HDAC4: variants seen among roughly 807,000 people sequenced by gnomAD.
The protein encoded by HDAC4 is histone deacetylase A.
A neutral mutation model predicts 135.1 loss-of-function variants in HDAC4; 16 were observed. The ratio of observed to expected loss-of-function variants is 0.12; its 90% CI spans 0.08 to 0.18. The LOEUF is 0.18. Ranked by LOEUF, HDAC4 falls within the 10% of genes least tolerant of loss-of-function variation. The pLI, the probability that HDAC4 is intolerant of heterozygous loss-of-function variation, is 1.00. For missense variants in HDAC4, 1,143 were observed against 1,511.8 expected (o/e 0.76, Z 4.05); for synonymous variants, 685 against 653.4 (o/e 1.05, Z -0.74).
At chr2:239,145,269 A>G (rs1167464261) in intron 7 of HDAC4, among the ~76,000 whole-genome samples, 2 of 152,154 alleles carry the variant, frequency 1.3e-5, no homozygotes, top group Non-Finnish European at 2.9e-5. Context: ...AGGCCTCCAG[A>G]GCGTGAGGCT....
At chr2:239,277,503 C>T (rs188598937) in intron 2 of HDAC4, among the ~76,000 whole-genome samples, 24 of 152,298 alleles carry the variant, frequency 1.6e-4, no homozygotes, top group South Asian at 4.1e-4. Context: ...GTGCCAGTCA[C>T]GCCATGGTGG....
intron 12 of HDAC4, among the ~76,000 whole-genome samples, chr2:239,121,928 G>C (rs1482180424): frequency 6.6e-6 from 1 of 152,234 alleles, no homozygotes; most frequent in Non-Finnish European, 1.5e-5. Context: ...GGCTTTGGGA[G>C]GTGAGCCGGA....
chr2:239,376,972 C>T (rs964188844), intron 1 of HDAC4, among the ~76,000 whole-genome samples: 23 of 152,068 alleles, frequency 1.5e-4, no homozygotes, highest in Non-Finnish European at 2.6e-4. Context: ...ATTCCACGCC[C>T]GTCCCTCCTG....
intron 16 of HDAC4, among the ~76,000 whole-genome samples, chr2:239,101,948 C>T (rs56339726): frequency 2.3e-5 from 3 of 130,190 alleles, no homozygotes; most frequent in East Asian, 2.3e-4. Context: ...GGACGCTCCC[C>T]GCCCAGGGTC....
intron 2 of HDAC4, among the ~76,000 whole-genome samples, chr2:239,257,292 A>T (rs942883233): frequency 6.6e-6 from 1 of 152,122 alleles, no homozygotes; most frequent in African/African-American, 2.4e-5. Flanking sequence ...GCCTTAGCAG[A>T]GAGAAAAATC....
chr2:239,325,555 A>C, intron 2 of HDAC4, among the ~76,000 whole-genome samples: 1 of 152,366 alleles, frequency 6.6e-6, no homozygotes, highest in East Asian at 1.9e-4. Context: ...TATTATTTCA[A>C]AATTGGAAAA....
chr2:239,215,873 G>A (rs2046605945), intron 3 of HDAC4, among the ~76,000 whole-genome samples: 1 of 152,158 alleles, frequency 6.6e-6, no homozygotes, highest in Admixed American at 6.5e-5. Context: ...AATGAACGGT[G>A]CAACCTCTCT....
At chr2:239,123,300 C>T (rs984623284) in intron 12 of HDAC4, among the ~76,000 whole-genome samples, 4 of 152,260 alleles carry the variant, frequency 2.6e-5, no homozygotes, top group African/African-American at 9.6e-5. Context: ...CAGCCTGTGC[C>T]CTTCCCGTCC....
chr2:239,075,909 C>T (rs1285656689), intron 22 of HDAC4, among the ~76,000 whole-genome samples: 2 of 151,812 alleles, frequency 1.3e-5, no homozygotes, highest in South Asian at 2.1e-4. Flanking sequence ...CCACTTTCCT[C>T]GGCTTCCCAG....
intron 2 of HDAC4, among the ~76,000 whole-genome samples, chr2:239,280,227 T>C (rs1179066803): frequency 2.0e-5 from 3 of 151,882 alleles, no homozygotes; most frequent in Non-Finnish European, 4.4e-5. Flanking sequence ...TTTTTAACAA[T>C]GCCAGCAACC....
chr2:239,287,759 A>C (rs191147286), intron 2 of HDAC4, among the ~76,000 whole-genome samples: 8 of 152,356 alleles, frequency 5.3e-5, no homozygotes, highest in South Asian at 2.1e-4. Context: ...ATCAAGAAGA[A>C]GACTAAGTCA....
intron 3 of HDAC4, among the ~76,000 whole-genome samples, chr2:239,211,896 A>C (rs919823976): frequency 3.9e-5 from 6 of 152,206 alleles, no homozygotes; most frequent in African/African-American, 1.4e-4. Flanking sequence ...GCCACCGAGG[A>C]GCTTCCTCGA....
At chr2:239,113,188 T>C (rs1463729522) in intron 13 of HDAC4, among the ~76,000 whole-genome samples, 1 of 152,196 alleles carries the variant, frequency 6.6e-6, no homozygotes, top group African/African-American at 2.4e-5. Flanking sequence ...AGGCGGAGGC[T>C]GTAGTGAGCT....
chr2:239,398,746 G>A (rs766495704), intron 1 of HDAC4, among the ~76,000 whole-genome samples: 3 of 152,208 alleles, frequency 2.0e-5, no homozygotes, highest in East Asian at 1.9e-4. Flanking sequence ...GCAGGGCTCC[G>A]AGGCCACATC....
intron 3 of HDAC4, among the ~76,000 whole-genome samples, chr2:239,197,056 C>T (rs1346981805): frequency 6.6e-6 from 1 of 152,162 alleles, no homozygotes; most frequent in South Asian, 2.1e-4. Context: ...TTAAGTCTCC[C>T]GCTTCCTTTG....
rs2041175682 is a variant in HDAC4, at chr2:239,139,156, C to G, written c.978+528G>C. Among the ~76,000 whole-genome samples, 1 of 152,254 alleles carries G rather than the reference C, an allele frequency of 6.6e-6. No individual in the cohort carries two copies. Among genetic ancestry groups the G allele is most frequent in the African/African-American group, 2.4e-5 (1 of 41,470 alleles). On this transcript the variant is annotated intron_variant, in intron 9 of 26. Coordinates refer to ENST00000543185, the MANE Select transcript of HDAC4 (RefSeq NM_001378414.1). The surrounding 1 kb of genome is among the most constrained non-coding windows in gnomAD (Gnocchi z 5.3). ...CCCCGCTCTGTGGCTTTGGCCGGCC[C>G]TGCCATGCTGACCACGGGTGACGCT...
At chr2:239,144,993 C>T (rs73000157) in intron 7 of HDAC4, among the ~76,000 whole-genome samples, 34 of 152,322 alleles carry the variant, frequency 2.2e-4, no homozygotes, top group Non-Finnish European at 4.9e-4. Flanking sequence ...ATCAGGCCAC[C>T]ACTGTTTACC....
chr2:239,301,467 CTTTCTT>C (rs2052260500), intron 2 of HDAC4, among the ~76,000 whole-genome samples: 5 of 130,256 alleles, frequency 3.8e-5, no homozygotes, highest in Non-Finnish European at 3.4e-5. Flanking sequence ...CTGGTGCTTT[CTTTCTT>C]TTTTTTTTTT....
chr2:239,118,969 G>A (rs1455299634), intron 12 of HDAC4, among the ~76,000 whole-genome samples: 2 of 152,192 alleles, frequency 1.3e-5, no homozygotes, highest in South Asian at 4.1e-4. Context: ...GGAGCCTGGC[G>A]GTACCGCTGT....
Sources: gnomAD v4.1 joint callset for allele counts (sites outside exome capture counted in the v4.1 genomes callset) on GRCh38, gnomAD v4.1.1 for gene constraint, Gnocchi (gnomAD v3.1) non-coding constraint, MANE v1.5 for transcripts, NCBI Gene and HGNC (gene_info 2026-07-23, HGNC 2026-07-21) for gene names.